TAF15: variants seen among roughly 807,000 people sequenced by gnomAD.
TAF15 encodes the protein TATA-binding protein-associated factor 2N.
In TAF15, 37 loss-of-function variants were observed where a neutral mutation model predicts 102.5. The ratio of observed to expected loss-of-function variants is 0.36; its 90% CI spans 0.28 to 0.47. The LOEUF (loss-of-function observed/expected upper bound fraction) is 0.47, where lower values mean the gene tolerates loss of function less well. Ranked by LOEUF, TAF15 falls within the 20% of genes least tolerant of loss-of-function variation. TAF15 has a pLI of 0.99. For synonymous variants in TAF15, 273 were observed against 259.2 expected, an observed-to-expected ratio of 1.05 and a Z score of -0.51; for missense variants, 652 against 760.7, an observed-to-expected ratio of 0.86 and a Z score of 1.68.
intron 7 of TAF15, among the ~76,000 whole-genome samples, chr17:35,829,347 T>G (rs2087370022): frequency 1.3e-5 from 2 of 150,308 alleles, no homozygotes; most frequent in African/African-American, 4.9e-5. Context: ...ATTAAAAGAT[T>G]TGGAGGCTGG....
intron 7 of TAF15, among the ~76,000 whole-genome samples, chr17:35,830,735 A>G (rs991577713): frequency 4.6e-5 from 7 of 152,204 alleles, no homozygotes; most frequent in African/African-American, 1.7e-4. Flanking sequence ...CCTAAACCAA[A>G]TGTCTAGACA....
At chr17:35,840,247 C>CTTTTTTTTT (rs370455465) in intron 11 of TAF15, among the ~76,000 whole-genome samples, 2 of 119,404 alleles carry the variant, frequency 1.7e-5, no homozygotes, top group Non-Finnish European at 3.5e-5. Flanking sequence ...CGTTATTTTC[C>CTTTTTTTTT]TTTTTTTTTT....
chr17:35,844,402 C>T, intron 14 of TAF15, 34 bp downstream of exon 14: 1 of 1,612,334 alleles, frequency 6.2e-7, no homozygotes, highest in Non-Finnish European at 8.5e-7. Flanking sequence ...CTGCATCGTG[C>T]TTATCTTCTG....
At chr17:35,809,800 T>C (rs1353638954) in intron 1 of TAF15, 7 of 626,590 alleles carry the variant, frequency 1.1e-5, no homozygotes. Context: ...CCTCTTGTCT[T>C]TTGACCCTGT....
At chr17:35,838,375 A>G (rs2087501228) in intron 10 of TAF15, 49 bp from the exon 11 acceptor site, 1 of 1,609,478 alleles carries the variant, frequency 6.2e-7, no homozygotes, top group Admixed American at 1.7e-5. Flanking sequence ...ATGATACATG[A>G]TTACTTATTT....
intron 7 of TAF15, among the ~76,000 whole-genome samples, chr17:35,833,203 T>C (rs2087428301): frequency 1.3e-5 from 2 of 151,986 alleles, no homozygotes; most frequent in African/African-American, 4.8e-5. Context: ...GCCTGCTGTC[T>C]GTAATGTGCA....
chr17:35,846,136 T>C (rs2087620917), intron 15 of TAF15, among the ~76,000 whole-genome samples: 1 of 152,182 alleles, frequency 6.6e-6, no homozygotes, highest in Non-Finnish European at 1.5e-5. Flanking sequence ...TATAAGGCAG[T>C]GAGAATTAGT....
intron 9 of TAF15, 55 bp from the exon 10 acceptor site, chr17:35,836,077 C>A: frequency 1.6e-6 from 2 of 1,222,032 alleles, no homozygotes; most frequent in Non-Finnish European, 2.4e-6. Flanking sequence ...GATTACTGAA[C>A]AGAATGTCAT....
rs549121320 is a variant in TAF15, at chr17:35,819,211, T to TGA, written c.48-812_48-811dup. On this transcript the variant is annotated intron_variant, in intron 2 of 15. Coordinates refer to ENST00000605844, the MANE Select transcript of TAF15 (RefSeq NM_139215.3). The stretch of plus-strand genomic sequence containing the variant: ...GGTATCTAGCAAAATGTTTATTTGG[T>TGA]GAAATGTATTTTCAAAAGTTAAGGA... Among the ~76,000 whole-genome samples the TGA allele has an allele frequency of 3.0e-4, 45 of 152,350 alleles. 2 individuals carry two copies. Among genetic ancestry groups the TGA allele is most frequent in the Admixed American group, 2.8e-3 (43 of 15,304 alleles).
intron 7 of TAF15, among the ~76,000 whole-genome samples, chr17:35,828,037 T>G (rs2087352106): frequency 6.6e-6 from 1 of 152,224 alleles, no homozygotes. Context: ...GCATTGTGAT[T>G]AACACCTTCT....
intron 9 of TAF15, among the ~76,000 whole-genome samples, chr17:35,835,444 T>C (rs1041270633): frequency 7.9e-5 from 12 of 152,202 alleles, no homozygotes; most frequent in African/African-American, 2.9e-4. Context: ...CTGTTGAAAG[T>C]TATAATTTAG....
chr17:35,838,136 C>T (rs1051856590), intron 10 of TAF15, among the ~76,000 whole-genome samples: 1 of 151,726 alleles, frequency 6.6e-6, no homozygotes, highest in African/African-American at 2.4e-5. Context: ...TGAGTATGAT[C>T]GTGCCACTGC....
rs557249173 is a variant in TAF15, at chr17:35,840,863, C to CAA, written c.914-1494_914-1493dup. Among the ~76,000 whole-genome samples the CAA allele has an allele frequency of 2.3e-4, 34 of 146,056 alleles. 1 individual carries two copies. Among genetic ancestry groups the CAA allele is most frequent in the Admixed American group, 1.4e-4 (2 of 14,670 alleles). ...TGGGTGACGCACAGCAAGACTCCGTCAAAAAAAAAAATGAAATTGTAGTAC... is the reference window on the plus strand; with the variant it reads ...TGGGTGACGCACAGCAAGACTCCGTCAAAAAAAAAAAAATGAAATTGTAGTAC... On this transcript the variant is annotated intron_variant, in intron 11 of 15. Transcript: ENST00000605844.
At chr17:35,821,097 G>A (rs2087253031) in intron 5 of TAF15, among the ~76,000 whole-genome samples, 2 of 152,050 alleles carry the variant, frequency 1.3e-5, no homozygotes, top group South Asian at 2.1e-4. Context: ...TTTTACAGAG[G>A]GTAAAGAAAT....
At chr17:35,843,406 G>A (rs1382261305) in intron 12 of TAF15, among the ~76,000 whole-genome samples, 1 of 152,194 alleles carries the variant, frequency 6.6e-6, no homozygotes, top group African/African-American at 2.4e-5. Context: ...TTACAGGTGT[G>A]AGCCACTGCA....
Position 35,844,121 on chromosome 17 carries a change from G to A in TAF15, c.1051G>A (p.Gly351Arg). The A allele has an allele frequency of 6.2e-7, 1 of 1,614,202 alleles. No individual in the cohort carries two copies. Among genetic ancestry groups the A allele is most frequent in the Non-Finnish European group, 8.5e-7 (1 of 1,180,034 alleles). The change falls in exon 13 of 16, where the codon GGA becomes AGA. Residue 351 changes from glycine to arginine, a missense_variant. Physicochemically the swap from Gly to Arg is moderately radical, Grantham distance 125. Transcript: ENST00000605844. ...TCGTGGAGGCTTTCAAGGGAGAGGT[G>A]GAGACCCCAAAAGTGGGGATTGGGT... ...RGRGGFQGRG[G>R]DPKSGDWVCP...
intron 1 of TAF15, among the ~76,000 whole-genome samples, chr17:35,815,217 A>T (rs2143742957): frequency 6.6e-6 from 1 of 152,364 alleles, no homozygotes. Context: ...ACACAAAGAG[A>T]ATCAAAACTA....
intron 6 of TAF15, among the ~76,000 whole-genome samples, chr17:35,823,084 C>G (rs775214959): frequency 1.3e-5 from 2 of 152,086 alleles, no homozygotes; most frequent in Non-Finnish European, 1.5e-5. Flanking sequence ...GAACTCTGAT[C>G]CTTGACAATA....
At chr17:35,828,663 C>T (rs1555617431) in intron 7 of TAF15, among the ~76,000 whole-genome samples, 1 of 151,746 alleles carries the variant, frequency 6.6e-6, no homozygotes, top group Non-Finnish European at 1.5e-5. Context: ...CCCAGGAGTT[C>T]AAGGCTGCAG....
Sources: gnomAD v4.1 joint callset for allele counts (sites outside exome capture counted in the v4.1 genomes callset) on GRCh38, gnomAD v4.1.1 for gene constraint, MANE v1.5 for transcripts, NCBI Gene and HGNC (gene_info 2026-07-23, HGNC 2026-07-21) for gene names.